DDX31: variants seen among roughly 807,000 people sequenced by gnomAD.
The protein encoded by DDX31 is DEAD-box helicase 31.
In DDX31, 70 loss-of-function variants were observed where a neutral mutation model predicts 91.3. The observed-to-expected ratio is 0.77, with a 90% CI of 0.63 to 0.94. The LOEUF (loss-of-function observed/expected upper bound fraction) is 0.94, where lower values mean the gene tolerates loss of function less well. DDX31 is among the 40% of genes least tolerant of loss of function. DDX31 has a pLI of 0.00. For synonymous variants in DDX31, 362 were observed against 350.6 expected, an observed-to-expected ratio of 1.03 and a Z score of -0.36; for missense variants, 902 against 925.0, an observed-to-expected ratio of 0.98 and a Z score of 0.32.
At chr9:132,661,084 G>T in intron 4 of DDX31, 124 bp downstream of exon 4, 1 of 808,808 alleles carries the variant, frequency 1.2e-6, no homozygotes, top group Non-Finnish European at 2.1e-6. Context: ...AACCCTTTAT[G>T]GTCGATAACC....
intron 1 of DDX31, among the ~76,000 whole-genome samples, chr9:132,664,716 CAAAAA>C (rs10668095): frequency 0.017 from 1,610 of 97,386 alleles, 17 homozygotes; most frequent in Middle Eastern, 0.029. Flanking sequence ...GACCCTCGCT[CAAAAA>C]AAAAAAAAAA....
intron 13 of DDX31, among the ~76,000 whole-genome samples, chr9:132,643,641 GA>G (rs1235766811): frequency 6.6e-6 from 1 of 151,978 alleles, no homozygotes; most frequent in Non-Finnish European, 1.5e-5. Flanking sequence ...TTTTCCAGAA[GA>G]AAAAAACTGA....
rs961305143 is a variant in DDX31 at position 132,594,731 on chromosome 9, G to A, written c.*135C>T. On this transcript the variant is annotated 3_prime_UTR_variant, in exon 20 of 20. Transcript: ENST00000372159. ...CCTCCCATGGAGGAGAAGGGCTGTG[G>A]CCCCTCTGATTCTTGGGGACGTGGT... The A allele has an allele frequency of 2.8e-6, 4 of 1,405,438 alleles. No individual in the cohort carries two copies. The African/African-American group carries it at 5.8e-5, about 20-fold the overall frequency. The allele number at this position is 1,405,438 out of a possible 1,614,324, so 87.1% of individuals were successfully genotyped here.
At position 132,662,474 on chromosome 9, in the gene DDX31, CA is replaced by C; in HGVS notation, c.296del (p.Leu99ArgfsTer16). 6.2e-7 allele frequency: 1 copy of C among 1,614,178 alleles called. No individual in the cohort carries two copies. The highest frequency in any genetic ancestry group is 8.5e-7 in the Non-Finnish European group (1 of 1,180,006). ...CTGGAATGTCAGGGTTGTTTTTAAACAGTGATGAAGTCTTAATGCACTGTCT... is the reference window on the plus strand; with the variant it reads ...CTGGAATGTCAGGGTTGTTTTTAAACGTGATGAAGTCTTAATGCACTGTCT... ...EERQCIKTSS[L>X]FKNNPDIPEL... On this transcript the variant is annotated frameshift_variant, in exon 2 of 20. Transcript: ENST00000372159. LOFTEE classifies it high-confidence loss of function.
chr9:132,598,983 C>A (rs1290346319), intron 19 of DDX31, among the ~76,000 whole-genome samples: 1 of 152,214 alleles, frequency 6.6e-6, no homozygotes, highest in East Asian at 1.9e-4. Flanking sequence ...TGAAACGCTC[C>A]TCTAGAGCAC....
At chr9:132,604,368 G>A (rs1830890529) in intron 19 of DDX31, among the ~76,000 whole-genome samples, 1 of 152,166 alleles carries the variant, frequency 6.6e-6, no homozygotes, top group Non-Finnish European at 1.5e-5. Context: ...GATCCAGCAT[G>A]GACCCCAGAG....
intron 19 of DDX31, among the ~76,000 whole-genome samples, chr9:132,596,325 T>A (rs1830430275): frequency 2.0e-5 from 3 of 152,234 alleles, no homozygotes; most frequent in Non-Finnish European, 2.9e-5. Context: ...CTGTTTCTAA[T>A]CACACTCCAG....
chr9:132,668,027 G>A (rs1296159314), intron 1 of DDX31, among the ~76,000 whole-genome samples: 3 of 152,110 alleles, frequency 2.0e-5, no homozygotes, highest in Non-Finnish European at 4.4e-5. Flanking sequence ...TGCAGCAAGG[G>A]CAGCATCCGA....
At chr9:132,645,001 GA>G (rs1321125172) in intron 13 of DDX31, among the ~76,000 whole-genome samples, 2 of 152,154 alleles carry the variant, frequency 1.3e-5, no homozygotes, top group East Asian at 3.8e-4. Flanking sequence ...ACTTGTTTAG[GA>G]TCGTGTCAAA....
chr9:132,617,454 C>T (rs148370064), intron 18 of DDX31, among the ~76,000 whole-genome samples: 26 of 152,064 alleles, frequency 1.7e-4, no homozygotes, highest in Non-Finnish European at 3.1e-4. Flanking sequence ...GTTTTGATCT[C>T]GCATGCATTC....
intron 19 of DDX31, among the ~76,000 whole-genome samples, chr9:132,606,623 A>G (rs537467501): frequency 7.2e-5 from 11 of 152,230 alleles, no homozygotes; most frequent in African/African-American, 2.6e-4. Context: ...AACCCCCACA[A>G]TCAAAGGGCG....
chr9:132,595,234 T>A lies in DDX31; in HGVS notation c.1995-122A>T. On this transcript the variant is annotated intron_variant, in intron 19 of 19. Coordinates refer to ENST00000372159, the MANE Select transcript of DDX31 (RefSeq NM_022779.9). The surrounding 1 kb of genome is among the most constrained non-coding windows in gnomAD (Gnocchi z 4.6). ...GCTGACATTTTTGTATTAACAGAAG[T>A]ACAATCCCTTCAATAGTACTTGTTT... The A allele has an allele frequency of 8.4e-7, 1 of 1,186,740 alleles. No individual in the cohort carries two copies. Among genetic ancestry groups the A allele is most frequent in the Non-Finnish European group, 1.2e-6 (1 of 858,836 alleles). 73.5% of individuals were successfully genotyped at this position (1,186,740 alleles called of 1,614,324 possible). A position where few individuals can be genotyped will look rare whatever the true frequency, so the allele number is the denominator to read the frequency against.
At chr9:132,618,646 C>T (rs1831801372) in intron 17 of DDX31, among the ~76,000 whole-genome samples, 1 of 152,082 alleles carries the variant, frequency 6.6e-6, no homozygotes, top group Non-Finnish European at 1.5e-5. Context: ...TGAGAGAGAA[C>T]ATCAGGTCTG....
intron 6 of DDX31, among the ~76,000 whole-genome samples, chr9:132,655,783 C>G (rs386865): frequency 0.76 from 115,310 of 152,120 alleles, 43,913 homozygotes; most frequent in African/African-American, 0.81. Context: ...AACAACGTTA[C>G]TGCCAAAGCT....
At chr9:132,669,764 G>A in intron 1 of DDX31, 96 bp downstream of exon 1, 1 of 1,523,054 alleles carries the variant, frequency 6.6e-7, no homozygotes, top group South Asian at 1.2e-5. Context: ...CTCCGTGAAT[G>A]ACTCGAAACC....
intron 18 of DDX31, among the ~76,000 whole-genome samples, chr9:132,615,532 G>T (rs1177412462): frequency 6.6e-6 from 1 of 151,830 alleles, no homozygotes; most frequent in Non-Finnish European, 1.5e-5. Context: ...CCACTGAGGG[G>T]AGAAGAATGA....
chr9:132,645,831 A>G, intron 13 of DDX31, 64 bp downstream of exon 13: 3 of 1,519,882 alleles, frequency 2.0e-6, no homozygotes, highest in East Asian at 4.7e-5. Context: ...TGCCGGACTC[A>G]GGTTCGCCCC....
At position 132,627,490 on chromosome 9, in the gene DDX31, G is replaced by A. The variant is rs538906629; in HGVS notation, c.1632-1745C>T. 9.9e-5 allele frequency among the ~76,000 whole-genome samples: 15 copies of A among 152,258 alleles called. No homozygotes were observed. The South Asian group carries it at 1.0e-3, about 11-fold the overall frequency. On this transcript the variant is annotated intron_variant, in intron 16 of 19. Transcript: ENST00000372159. ...GAATCACCTCACCTTAGTATGAAAC[G>A]AGATGGATAAATAAATAAATTCAGG...
intron 1 of DDX31, among the ~76,000 whole-genome samples, chr9:132,667,431 T>A (rs573093420): frequency 1.3e-5 from 2 of 151,724 alleles, no homozygotes; most frequent in South Asian, 4.2e-4. Context: ...TGAAACCCCA[T>A]CTCTATTAAA....
Sources: allele counts gnomAD v4.1 joint callset (sites outside exome capture counted in the v4.1 genomes callset), GRCh38; gene constraint gnomAD v4.1.1; non-coding constraint Gnocchi (gnomAD v3.1); transcripts MANE v1.5; gene names NCBI Gene and HGNC (gene_info 2026-07-23, HGNC 2026-07-21).